The following NETO1 variants were observed in gnomAD, a reference collection of about 807,000 sequenced individuals.
The protein encoded by NETO1 is neuropilin and tolloid-like protein 1.
Under a neutral mutation model 61.3 loss-of-function variants are expected in NETO1, and 26 were observed. That is an observed-to-expected ratio of 0.42 (90% confidence interval 0.31 to 0.59). The LOEUF (loss-of-function observed/expected upper bound fraction) is 0.59, where lower values mean the gene tolerates loss of function less well. NETO1 is among the 20% of genes least tolerant of loss of function. The pLI, the probability that NETO1 is intolerant of heterozygous loss-of-function variation, is 0.12. For missense variants in NETO1, 531 were observed against 662.8 expected, an observed-to-expected ratio of 0.80 and a Z score of 2.18; for synonymous variants, 225 against 225.8, an observed-to-expected ratio of 1.00 and a Z score of 0.03.
At chr18:72,762,261 A>G (rs1185046310) in intron 7 of NETO1, among the ~76,000 whole-genome samples, 1 of 152,042 alleles carries the variant, frequency 6.6e-6, no homozygotes, top group African/African-American at 2.4e-5. Flanking sequence ...CCTGGGTTCA[A>G]GTGATACTCC....
At chr18:72,772,302 A>G (rs1350686156) in intron 7 of NETO1, among the ~76,000 whole-genome samples, 1 of 152,118 alleles carries the variant, frequency 6.6e-6, no homozygotes, top group East Asian at 1.9e-4. Context: ...GTTTAACTCA[A>G]AGTGAACTGA....
chr18:72,852,829 TTTTC>T (rs944597716), intron 4 of NETO1, among the ~76,000 whole-genome samples: 4 of 110,668 alleles, frequency 3.6e-5, no homozygotes, highest in African/African-American at 1.1e-4. Flanking sequence ...ATAATTTTCT[TTTTC>T]TTTTTTTTTT....
At chr18:72,823,923 T>C (rs138330303) in intron 4 of NETO1, among the ~76,000 whole-genome samples, 2 of 152,170 alleles carry the variant, frequency 1.3e-5, no homozygotes, top group African/African-American at 4.8e-5. Flanking sequence ...CAGCTCCCGA[T>C]ACACAATGTC....
At chr18:72,772,819 CTCTCTCTATATATATATATATATATA>C (rs1186586106) in intron 7 of NETO1, among the ~76,000 whole-genome samples, 4,809 of 52,588 alleles carry the variant, frequency 0.091, 344 homozygotes, top group Admixed American at 0.21. Flanking sequence ...CTCTCTCTCT[CTCTCTCTATATATATATATATATATA>C]TATATATATA....
At chr18:72,815,804 G>C (rs2073013417) in intron 4 of NETO1, among the ~76,000 whole-genome samples, 1 of 152,104 alleles carries the variant, frequency 6.6e-6, no homozygotes. Context: ...GTTGTGGCTG[G>C]GAGAACAGGT....
At chr18:72,767,854 T>G (rs2071216914) in intron 7 of NETO1, among the ~76,000 whole-genome samples, 1 of 152,204 alleles carries the variant, frequency 6.6e-6, no homozygotes, top group African/African-American at 2.4e-5. Flanking sequence ...CTCACTGTAT[T>G]TGAAAGTGTT....
intron 6 of NETO1, among the ~76,000 whole-genome samples, chr18:72,792,202 TG>T (rs1156504926): frequency 1.3e-5 from 2 of 152,228 alleles, no homozygotes; most frequent in East Asian, 3.9e-4. Flanking sequence ...GAGGCCGATG[TG>T]GGCAGATCAC....
rs1341296691 is a variant in NETO1, at chr18:72,841,733, C to CAAAAAAAAAAAAAA, written c.469+17092_469+17093insTTTTTTTTTTTTTT. ...TGGGAGACAGAGTGAGACTCTACCTCAACAAAAAAAAAAAAAAAAAAAAAG... is the reference window on the plus strand; with the variant it reads ...TGGGAGACAGAGTGAGACTCTACCTCAAAAAAAAAAAAAAAACAAAAAAAAAAAAAAAAAAAAAG... On this transcript the variant is annotated intron_variant, in intron 4 of 10. Transcript: ENST00000327305. Among the ~76,000 whole-genome samples, 7 of 71,000 alleles carry CAAAAAAAAAAAAAA rather than the reference C, an allele frequency of 9.9e-5. 3 individuals carry two copies. The highest frequency in any genetic ancestry group is 7.8e-5 in the Non-Finnish European group (3 of 38,278). 46.6% of individuals were successfully genotyped at this position (71,000 alleles called of 152,430 possible).
chr18:72,794,044 GCTTCAA>G, intron 6 of NETO1, 67 bp downstream of exon 6: 1 of 1,582,704 alleles, frequency 6.3e-7, no homozygotes, highest in Non-Finnish European at 8.7e-7. Context: ...ACGTCCAGTT[GCTTCAA>G]AGCAATGCTT....
chr18:72,839,241 T>G (rs1426450125), intron 4 of NETO1, among the ~76,000 whole-genome samples: 2 of 152,158 alleles, frequency 1.3e-5, no homozygotes, highest in Non-Finnish European at 2.9e-5. Flanking sequence ...CAAGAAGAAT[T>G]TAAAGTTATA....
At chr18:72,837,509 G>T (rs1003016346) in intron 4 of NETO1, among the ~76,000 whole-genome samples, 2 of 152,034 alleles carry the variant, frequency 1.3e-5, no homozygotes, top group African/African-American at 4.8e-5. Context: ...TAACAGCAAC[G>T]GTTTAGAGTC....
At chr18:72,802,445 C>T (rs1358577188) in intron 4 of NETO1, among the ~76,000 whole-genome samples, 1 of 152,174 alleles carries the variant, frequency 6.6e-6, no homozygotes, top group East Asian at 1.9e-4. Context: ...GAGTTAATGC[C>T]ATGTCTGGAG....
intron 4 of NETO1, among the ~76,000 whole-genome samples, chr18:72,846,693 G>A (rs906631662): frequency 1.3e-5 from 2 of 151,762 alleles, no homozygotes; most frequent in East Asian, 3.9e-4. Flanking sequence ...TATTACTTAA[G>A]GATGATTATT....
downstream of NETO1, among the ~76,000 whole-genome samples, chr18:72,743,008 GT>G (rs754094392): frequency 5.3e-5 from 8 of 152,126 alleles, no homozygotes; most frequent in Non-Finnish European, 1.0e-4. Context: ...TTTCTACACT[GT>G]TTTGATTCTA....
chr18:72,852,448 C>T (rs972073378), intron 4 of NETO1, among the ~76,000 whole-genome samples: 1 of 152,212 alleles, frequency 6.6e-6, no homozygotes, highest in Non-Finnish European at 1.5e-5. Context: ...ATCTCCTGAC[C>T]TCGTGATCCG....
intron 4 of NETO1, among the ~76,000 whole-genome samples, chr18:72,816,423 G>T (rs1299864615): frequency 1.3e-5 from 2 of 152,140 alleles, no homozygotes; most frequent in East Asian, 3.9e-4. Context: ...AAGGGACAGA[G>T]ACCATTCAAA....
At chr18:72,817,402 C>G (rs375224114) in intron 4 of NETO1, among the ~76,000 whole-genome samples, 25 of 152,228 alleles carry the variant, frequency 1.6e-4, no homozygotes, top group African/African-American at 5.8e-4. Context: ...CGCAGCCATT[C>G]CAGTGCTCAG....
At chr18:72,792,455 G>A (rs934305411) in intron 6 of NETO1, among the ~76,000 whole-genome samples, 6 of 151,508 alleles carry the variant, frequency 4.0e-5, no homozygotes, top group African/African-American at 9.7e-5. Flanking sequence ...AAAACGGTGC[G>A]GAGGGGCTCT....
intron 4 of NETO1, among the ~76,000 whole-genome samples, chr18:72,852,148 CTTCTT>C (rs2074269475): frequency 3.3e-5 from 5 of 152,176 alleles, no homozygotes; most frequent in Admixed American, 1.3e-4. Flanking sequence ...CTTAAGTACT[CTTCTT>C]TTCTCCACCT....
Sources: allele counts gnomAD v4.1 joint callset (sites outside exome capture counted in the v4.1 genomes callset), GRCh38; gene constraint gnomAD v4.1.1; transcripts MANE v1.5; gene names NCBI Gene and HGNC (gene_info 2026-07-23, HGNC 2026-07-21).